The following EPHB1 variants were observed in gnomAD, a reference collection of about 807,000 sequenced individuals.
EPHB1 encodes the protein ephrin type-B receptor 1.
A neutral mutation model predicts 94.4 loss-of-function variants in EPHB1; 30 were observed. The ratio of observed to expected loss-of-function variants is 0.32; its 90% CI spans 0.24 to 0.43. EPHB1 has a LOEUF of 0.43. Among genes scored for constraint, EPHB1 ranks in the 20% least tolerant of loss-of-function variants. The pLI is 1.00. For synonymous variants in EPHB1, 522 were observed against 489.1 expected (o/e 1.07, Z -0.89); for missense variants, 1,055 against 1,308.3 (o/e 0.81, Z 2.99).
intron 3 of EPHB1, among the ~76,000 whole-genome samples, chr3:135,051,306 A>T (rs1937161844): frequency 6.6e-6 from 1 of 152,196 alleles, no homozygotes; most frequent in African/African-American, 2.4e-5. Context: ...TGGCAGGGTC[A>T]TTTCATTCTA....
intron 4 of EPHB1, among the ~76,000 whole-genome samples, chr3:135,125,187 AG>A (rs1166953773): frequency 6.6e-6 from 1 of 151,636 alleles, no homozygotes; most frequent in Non-Finnish European, 1.5e-5. Flanking sequence ...TAGTTTCCAC[AG>A]GCCCCTGGTA....
At chr3:134,806,285 C>T (rs1343061014) in intron 1 of EPHB1, among the ~76,000 whole-genome samples, 2 of 152,270 alleles carry the variant, frequency 1.3e-5, no homozygotes, top group South Asian at 2.1e-4. Flanking sequence ...CAGTTTCCAC[C>T]TAGCTCTCTC....
intron 2 of EPHB1, among the ~76,000 whole-genome samples, chr3:134,933,944 G>A (rs1053587097): frequency 1.3e-5 from 2 of 151,870 alleles, no homozygotes; most frequent in African/African-American, 4.8e-5. Flanking sequence ...TTTCTCAACC[G>A]AGAGGCCCAG....
chr3:135,054,443 G>A (rs996666285), intron 3 of EPHB1, among the ~76,000 whole-genome samples: 4 of 152,192 alleles, frequency 2.6e-5, no homozygotes, highest in Non-Finnish European at 5.9e-5. Flanking sequence ...AGAACTCTGA[G>A]TAAATGCTTA....
At chr3:135,096,900 A>G (rs1938798865) in intron 3 of EPHB1, among the ~76,000 whole-genome samples, 1 of 152,106 alleles carries the variant, frequency 6.6e-6, no homozygotes, top group Non-Finnish European at 1.5e-5. Context: ...GATCGAGACC[A>G]TCCTGGCTAA....
chr3:134,917,653 A>C (rs767180212), intron 1 of EPHB1, among the ~76,000 whole-genome samples: 6 of 152,186 alleles, frequency 3.9e-5, no homozygotes, highest in Non-Finnish European at 5.9e-5. Context: ...CAAATTTCAC[A>C]GTTTGTTTTA....
At chr3:135,126,832 C>G (rs1265878861) in intron 4 of EPHB1, among the ~76,000 whole-genome samples, 1 of 152,146 alleles carries the variant, frequency 6.6e-6, no homozygotes, top group African/African-American at 2.4e-5. Context: ...CAGGTTTCCC[C>G]AACATAGGTT....
intron 1 of EPHB1, among the ~76,000 whole-genome samples, chr3:134,814,600 C>T (rs1271724960): frequency 2.0e-5 from 3 of 152,132 alleles, no homozygotes; most frequent in East Asian, 3.9e-4. Flanking sequence ...CAACAGGCTT[C>T]CCTGTCCTGG....
chr3:135,124,445 C>T (rs1395267480), intron 4 of EPHB1, among the ~76,000 whole-genome samples: 2 of 151,778 alleles, frequency 1.3e-5, no homozygotes, highest in South Asian at 2.1e-4. Context: ...ACTGTCTTCA[C>T]ATTCATCATT....
At chr3:135,209,879 C>T (rs757114560) in intron 12 of EPHB1, among the ~76,000 whole-genome samples, 19 of 152,106 alleles carry the variant, frequency 1.2e-4, no homozygotes, top group Non-Finnish European at 1.0e-4. Flanking sequence ...GGCTACGGGG[C>T]AATGGGCCTG....
At chr3:135,066,178 G>T (rs528343479) in intron 3 of EPHB1, among the ~76,000 whole-genome samples, 1 of 152,296 alleles carries the variant, frequency 6.6e-6, no homozygotes, top group East Asian at 1.9e-4. Context: ...AATGTGCCTA[G>T]GCAATGATCT....
intron 12 of EPHB1, among the ~76,000 whole-genome samples, chr3:135,214,268 TCTTC>T (rs1943094367): frequency 6.6e-6 from 1 of 152,166 alleles, no homozygotes; most frequent in Admixed American, 6.5e-5. Flanking sequence ...CTTTGTCAGC[TCTTC>T]CTCACATGCT....
chr3:135,181,068 A>G lies in EPHB1; in HGVS notation c.1882+1086A>G, dbSNP rs181231831. 1.3e-4 allele frequency among the ~76,000 whole-genome samples: 20 copies of G among 152,326 alleles called. No homozygotes were observed. The East Asian group carries it at 1.9e-3, about 15-fold the overall frequency. The stretch of plus-strand genomic sequence containing the variant: ...ACTTCATATATTATCTTTAGGGGGA[A>G]TGTCACCATCTTTCTGTTCACTGCT... On this transcript the variant is annotated intron_variant, in intron 10 of 15. Coordinates refer to ENST00000398015, the MANE Select transcript of EPHB1 (RefSeq NM_004441.5).
At chr3:135,190,990 C>G (rs1299958970) in intron 10 of EPHB1, among the ~76,000 whole-genome samples, 1 of 152,032 alleles carries the variant, frequency 6.6e-6, no homozygotes, top group Non-Finnish European at 1.5e-5. Flanking sequence ...ACCTGTGGTC[C>G]CATCTACTCA....
intron 1 of EPHB1, among the ~76,000 whole-genome samples, chr3:134,898,636 A>T (rs1014389942): frequency 6.6e-6 from 1 of 152,178 alleles, no homozygotes; most frequent in Admixed American, 6.5e-5. Context: ...CTAGGCACCC[A>T]TCTGTGAGAG....
intron 3 of EPHB1, among the ~76,000 whole-genome samples, chr3:135,073,714 C>T (rs1035080985): frequency 2.6e-5 from 4 of 152,090 alleles, no homozygotes; most frequent in African/African-American, 4.8e-5. Context: ...GTTCCTTAAA[C>T]TGCAGTGGGT....
rs1191951388 is a variant in EPHB1, at chr3:134,873,508, A to G, written c.59-52308A>G. On this transcript the variant is annotated intron_variant, in intron 1 of 15. Transcript: ENST00000398015. ...GTCTGCATCTCTGCAGTAATAGTGTATATATTTATTGGGGAAATATGGCTG... is the reference window on the plus strand; with the variant it reads ...GTCTGCATCTCTGCAGTAATAGTGTGTATATTTATTGGGGAAATATGGCTG... 2.6e-5 allele frequency among the ~76,000 whole-genome samples: 4 copies of G among 152,380 alleles called. No homozygotes were observed. In the East Asian group the frequency reaches 7.7e-4, roughly 29 times the overall value.
At chr3:135,063,513 A>T (rs141157265) in intron 3 of EPHB1, among the ~76,000 whole-genome samples, 1 of 152,202 alleles carries the variant, frequency 6.6e-6, no homozygotes, top group Non-Finnish European at 1.5e-5. Context: ...TGTAGAGAAG[A>T]GCTAACGATT....
At chr3:135,258,948 G>A in intron 15 of EPHB1, 64 bp from the exon 16 acceptor site, 1 of 1,314,826 alleles carries the variant, frequency 7.6e-7, no homozygotes, top group South Asian at 1.3e-5. Context: ...TTAGTGATGA[G>A]TTTTGATCTG....
Sources: gnomAD v4.1 joint callset for allele counts (sites outside exome capture counted in the v4.1 genomes callset) on GRCh38, gnomAD v4.1.1 for gene constraint, MANE v1.5 for transcripts, NCBI Gene and HGNC (gene_info 2026-07-23, HGNC 2026-07-21) for gene names.